LHPP: variants seen among roughly 807,000 people sequenced by gnomAD.
The protein encoded by LHPP is hLHPP.
A neutral mutation model predicts 30.3 loss-of-function variants in LHPP; 24 were observed. The ratio of observed to expected loss-of-function variants is 0.79; its 90% CI spans 0.57 to 1.11. The LOEUF is 1.11. LHPP is among the 50% of genes most tolerant of loss of function. LHPP has a pLI of 0.00. For synonymous variants in LHPP, 150 were observed against 157.1 expected, an observed-to-expected ratio of 0.95 and a Z score of 0.34; for missense variants, 356 against 367.2, an observed-to-expected ratio of 0.97 and a Z score of 0.25.
At chr10:124,584,363 CAAAAA>C (rs71484569) in intron 6 of LHPP, among the ~76,000 whole-genome samples, 1 of 98,424 alleles carries the variant, frequency 1.0e-5, no homozygotes, top group Non-Finnish European at 2.1e-5. Context: ...GACTCTGTCT[CAAAAA>C]AAAAAAAAAA....
chr10:124,573,001 G>A (rs188766671), intron 6 of LHPP, among the ~76,000 whole-genome samples: 9 of 152,358 alleles, frequency 5.9e-5, no homozygotes, highest in African/African-American at 1.7e-4. Context: ...GTTGCCTCGC[G>A]TTCAACTGCG....
intron 5 of LHPP, among the ~76,000 whole-genome samples, chr10:124,508,580 C>T (rs888741547): frequency 6.8e-5 from 10 of 146,402 alleles, no homozygotes; most frequent in African/African-American, 2.0e-4. Flanking sequence ...AGTTTTTTCT[C>T]CCTTGGAGGC....
Position 124,500,985 on chromosome 10 carries a change from T to TA in LHPP, c.624+2864dup, listed in dbSNP as rs563171147. ...AGCTCCATACACAATAGCCAAAAGG[T>TA]AAAAAAAGCCAAGATACCTGCCCAT... On this transcript the variant is annotated intron_variant, in intron 5 of 6. Transcript: ENST00000368842. Among the ~76,000 whole-genome samples, 396 of 151,516 alleles carry TA rather than the reference T, an allele frequency of 2.6e-3. 13 individuals are homozygous for TA. Among genetic ancestry groups the TA allele is most frequent in the African/African-American group, 9.3e-3 (383 of 41,120 alleles).
At chr10:124,470,524 G>T (rs1477471097) in intron 1 of LHPP, among the ~76,000 whole-genome samples, 1 of 152,058 alleles carries the variant, frequency 6.6e-6, no homozygotes, top group Admixed American at 6.5e-5. Flanking sequence ...AACAGCGAAG[G>T]CCAGGGCCAG....
chr10:124,489,004 T>C (rs1172001226), intron 3 of LHPP, among the ~76,000 whole-genome samples: 1 of 152,202 alleles, frequency 6.6e-6, no homozygotes, highest in Non-Finnish European at 1.5e-5. Context: ...CTACCCAGTC[T>C]GGGCACCGAC....
At chr10:124,570,622 C>A (rs1052624879) in intron 6 of LHPP, among the ~76,000 whole-genome samples, 2 of 152,170 alleles carry the variant, frequency 1.3e-5, no homozygotes, top group African/African-American at 4.8e-5. Flanking sequence ...GCAGTGACTT[C>A]CCACTCCCCA....
Position 124,488,519 on chromosome 10 carries a change from C to T in LHPP, c.411C>T (p.Asn137=), listed in dbSNP as rs187527506. 26 of 1,613,948 alleles carry T rather than the reference C, an allele frequency of 1.6e-5. No individual in the cohort carries two copies. The highest frequency in any genetic ancestry group is 6.7e-5 in the Admixed American group (4 of 59,978). The change falls in exon 3 of 7, where the codon AAC becomes AAT. Residue 137 remains asparagine, a synonymous_variant. Transcript: ENST00000368842. ...GCTTTTCTTATCAAAACATGAATAA[C>T]GCCTTCCAGGTGCTCATGGAGCTGG... ...GESFSYQNMN[N]AFQVLMELEK... is the part of the protein sequence containing the mutation.
intron 1 of LHPP, among the ~76,000 whole-genome samples, chr10:124,468,724 C>G (rs994377719): frequency 2.6e-5 from 4 of 152,224 alleles, no homozygotes; most frequent in Non-Finnish European, 5.9e-5. Flanking sequence ...CTCGGCAGAC[C>G]TTGGCAGGGC....
At chr10:124,582,073 C>T (rs1047068238) in intron 6 of LHPP, among the ~76,000 whole-genome samples, 6 of 150,152 alleles carry the variant, frequency 4.0e-5, no homozygotes, top group African/African-American at 1.2e-4. Flanking sequence ...TGAGCCACCG[C>T]ACCTGGCCTA....
chr10:124,500,832 G>A (rs1402981769), intron 5 of LHPP, among the ~76,000 whole-genome samples: 3 of 151,980 alleles, frequency 2.0e-5, no homozygotes, highest in Non-Finnish European at 4.4e-5. Flanking sequence ...GCCACGGAAA[G>A]CCACTTGGTG....
chr10:124,613,629 C>T lies in LHPP; in HGVS notation c.*269C>T. 5.5e-6 allele frequency: 3 copies of T among 541,930 alleles called. No individual in the cohort carries two copies. Among genetic ancestry groups the T allele is most frequent in the Non-Finnish European group, 1.0e-5 (3 of 299,138 alleles). The allele number at this position is 541,930 out of a possible 1,614,324, so 33.6% of individuals were successfully genotyped here. A position where few individuals can be genotyped will look rare whatever the true frequency, so the allele number is the denominator to read the frequency against. On this transcript the variant is annotated 3_prime_UTR_variant, in exon 7 of 7. Transcript: ENST00000368842. ...CCCTGCCTGGGCCCTGACTTCAGCTCCCTGTAGTGAAGTCCAGGAGGGTGG... is the reference window on the plus strand; with the variant it reads ...CCCTGCCTGGGCCCTGACTTCAGCTTCCTGTAGTGAAGTCCAGGAGGGTGG...
chr10:124,569,293 G>A (rs1340354605), intron 6 of LHPP, among the ~76,000 whole-genome samples: 1 of 152,166 alleles, frequency 6.6e-6, no homozygotes, highest in Non-Finnish European at 1.5e-5. Flanking sequence ...TTTGGATCAG[G>A]TTTTTGAGGT....
At chr10:124,488,325 G>A in intron 2 of LHPP, 97 bp from the exon 3 acceptor site, 2 of 1,056,314 alleles carry the variant, frequency 1.9e-6, no homozygotes, top group South Asian at 2.7e-5. Flanking sequence ...TCTGAGAAAG[G>A]GGGAGGACAT....
chr10:124,493,026 AAAAAG>A (rs938650442), intron 3 of LHPP, among the ~76,000 whole-genome samples: 2 of 152,308 alleles, frequency 1.3e-5, no homozygotes, highest in South Asian at 2.1e-4. Flanking sequence ...CGTCTCTACA[AAAAAG>A]AAAAGAAAAA....
Position 124,520,523 on chromosome 10 carries a change from G to A in LHPP, c.716+3252G>A, listed in dbSNP as rs909028816. ...TCACCTGCCTCCATTGAAGAGGATG[G>A]GACTTAGCCCATTTGTTCCTAACGA... On this transcript the variant is annotated intron_variant, in intron 6 of 6. Coordinates refer to ENST00000368842, the MANE Select transcript of LHPP (RefSeq NM_022126.4). 5.9e-5 allele frequency among the ~76,000 whole-genome samples: 9 copies of A among 152,312 alleles called. No homozygotes were observed. In the South Asian group the frequency reaches 1.9e-3, roughly 32 times the overall value.
chr10:124,612,224 C>T (rs966505310), intron 6 of LHPP, among the ~76,000 whole-genome samples: 1 of 151,990 alleles, frequency 6.6e-6, no homozygotes, highest in Non-Finnish European at 1.5e-5. Flanking sequence ...GCCAACATGG[C>T]GAAACCCTAT....
At chr10:124,474,132 C>CTTTTTTTT (rs544464876) in intron 1 of LHPP, among the ~76,000 whole-genome samples, 6 of 71,902 alleles carry the variant, frequency 8.3e-5, no homozygotes, top group South Asian at 5.4e-4. Flanking sequence ...TTGCTTTGCC[C>CTTTTTTTT]TTTTTTTTTT....
At chr10:124,493,310 A>AC (rs1264780066) in intron 3 of LHPP, among the ~76,000 whole-genome samples, 4 of 151,738 alleles carry the variant, frequency 2.6e-5, no homozygotes, top group Non-Finnish European at 5.9e-5. Context: ...CAGCCTGAGG[A>AC]CCCCCCGAGA....
chr10:124,476,025 C>T (rs1166889562), intron 1 of LHPP, among the ~76,000 whole-genome samples: 1 of 152,216 alleles, frequency 6.6e-6, no homozygotes, highest in Admixed American at 6.5e-5. Context: ...ATCTGGGCTC[C>T]GTGGCACAGG....
Sources: gnomAD v4.1 joint callset for allele counts (sites outside exome capture counted in the v4.1 genomes callset) on GRCh38, gnomAD v4.1.1 for gene constraint, MANE v1.5 for transcripts, NCBI Gene and HGNC (gene_info 2026-07-23, HGNC 2026-07-21) for gene names.